Variants in SCIMP observed in about 807,000 individuals in gnomAD.
SCIMP encodes the protein SLP adaptor and CSK interacting membrane protein, also known as SLP adapter and CSK-interacting membrane protein.
Under a neutral mutation model 22.0 loss-of-function variants are expected in SCIMP, and 18 were observed. The ratio of observed to expected loss-of-function variants is 0.82; its 90% confidence interval spans 0.56 to 1.21. The LOEUF is 1.21. Ranked by LOEUF, SCIMP falls within the 50% of genes most tolerant of loss-of-function variation. The probability of loss-of-function intolerance (pLI) is 0.00; values close to 1 mark genes in which losing one functional copy is unlikely to be tolerated. For synonymous variants in SCIMP, 53 were observed against 62.2 expected, an observed-to-expected ratio of 0.85 and a Z score of 0.70; for missense variants, 155 against 171.2, an observed-to-expected ratio of 0.91 and a Z score of 0.53.
At chr17:5,225,705 T>C (rs1455959889) in intron 1 of SCIMP, among the ~76,000 whole-genome samples, 1 of 149,746 alleles carries the variant, frequency 6.7e-6, no homozygotes, top group South Asian at 2.1e-4. Context: ...GAGGTTGCGG[T>C]GAGCCGAGGT....
rs543671811 is a variant in SCIMP, at chr17:5,218,385, G to C, written c.209+2902C>G. 4.6e-5 allele frequency among the ~76,000 whole-genome samples: 7 copies of C among 151,724 alleles called. No individual in the cohort carries two copies. In the East Asian group the frequency reaches 1.4e-3, roughly 29 times the overall value. On this transcript the variant is annotated intron_variant, in intron 3 of 4. Coordinates refer to ENST00000574081, the MANE Select transcript of SCIMP (RefSeq NM_207103.3). The stretch of plus-strand genomic sequence containing the variant: ...AGACTGAGTTTCACTCGTCACCCAG[G>C]CTGGAGTGCAGTGGCACGATCTTGG...
At chr17:5,228,036 G>A (rs985179323) in intron 1 of SCIMP, among the ~76,000 whole-genome samples, 2 of 152,124 alleles carry the variant, frequency 1.3e-5, no homozygotes, top group African/African-American at 4.8e-5. Flanking sequence ...GCCAGGCATG[G>A]TGGTGTGCAC....
At chr17:5,224,797 C>T (rs1327605895) in intron 1 of SCIMP, among the ~76,000 whole-genome samples, 2 of 152,012 alleles carry the variant, frequency 1.3e-5, no homozygotes, top group Non-Finnish European at 2.9e-5. Context: ...TAATGCATAG[C>T]AGGGGAGAGA....
Position 5,227,717 on chromosome 17 carries a change from C to T in SCIMP, c.22-4261G>A, listed in dbSNP as rs150674675. On this transcript the variant is annotated intron_variant, in intron 1 of 4. Transcript: ENST00000574081. ...AGAGCAGTGCAATAGCACGCACCAA[C>T]TCCTCCACCTTCCAGCCCAGTCCCC... 9.9e-3 allele frequency among the ~76,000 whole-genome samples: 1,510 copies of T among 152,308 alleles called. 22 individuals are homozygous for T. Among genetic ancestry groups the T allele is most frequent in the African/African-American group, 0.035 (1,438 of 41,556 alleles).
intron 1 of SCIMP, 176 bp downstream of exon 1, chr17:5,234,559 C>T: frequency 1.5e-6 from 1 of 651,312 alleles, no homozygotes. Flanking sequence ...TAGAGCAGAT[C>T]CTTCAATGCA....
At chr17:5,225,713 G>A (rs986339122) in intron 1 of SCIMP, among the ~76,000 whole-genome samples, 4 of 151,880 alleles carry the variant, frequency 2.6e-5, no homozygotes, top group Non-Finnish European at 4.4e-5. Context: ...GGTGAGCCGA[G>A]GTTGTGCCAT....
rs140910174 is a variant in SCIMP, at chr17:5,223,282, C to T, written c.145+51G>A. Reference sequence around the variant, plus strand: ...TTGCCCTAAAGGAGCTCTACTGCACCGATAACCACCTGGCTCCTCCCTCCA... The same window carrying T: ...TTGCCCTAAAGGAGCTCTACTGCACTGATAACCACCTGGCTCCTCCCTCCA... On this transcript the variant is annotated intron_variant, in intron 2 of 4. Coordinates refer to ENST00000574081, the MANE Select transcript of SCIMP (RefSeq NM_207103.3). 511 of 1,606,922 alleles carry T rather than the reference C, an allele frequency of 3.2e-4. 3 individuals are homozygous for T. The African/African-American group carries it at 4.9e-3, about 16-fold the overall frequency.
chr17:5,218,563 C>T (rs1431861029), intron 3 of SCIMP, among the ~76,000 whole-genome samples: 3 of 152,286 alleles, frequency 2.0e-5, no homozygotes, highest in Non-Finnish European at 4.4e-5. Flanking sequence ...TGGTCTCGAA[C>T]TCCTGACCTC....
intron 4 of SCIMP, among the ~76,000 whole-genome samples, chr17:5,212,185 T>C (rs997113703): frequency 6.6e-6 from 1 of 152,226 alleles, no homozygotes; most frequent in African/African-American, 2.4e-5. Flanking sequence ...AATCTCATCT[T>C]TTCCTAAGAA....
rs1325533950 is a variant in SCIMP at position 5,208,977 on chromosome 17, T to C, written c.*1824A>G. 6.6e-6 allele frequency: 1 copy of C among 152,234 alleles called. No homozygotes were observed. The highest frequency in any genetic ancestry group is 1.5e-5 in the Non-Finnish European group (1 of 68,040). The allele number at this position is 152,234 out of a possible 1,614,324, so 9.4% of individuals were successfully genotyped here. On this transcript the variant is annotated 3_prime_UTR_variant, in exon 5 of 5. Coordinates refer to ENST00000574081, the MANE Select transcript of SCIMP (RefSeq NM_207103.3). Reference sequence around the variant, plus strand: ...AGTCATGGAGGGTTTACAGAACATTTATAAGACGAAAGCATGTGTTTGAAA... The same window carrying C: ...AGTCATGGAGGGTTTACAGAACATTCATAAGACGAAAGCATGTGTTTGAAA...
chr17:5,232,794 T>G (rs908041147), intron 1 of SCIMP, among the ~76,000 whole-genome samples: 5 of 151,606 alleles, frequency 3.3e-5, no homozygotes, highest in Non-Finnish European at 7.4e-5. Flanking sequence ...CACTGCAACC[T>G]CTACTTCCTG....
intron 4 of SCIMP, 95 bp downstream of exon 4, chr17:5,214,830 A>T (rs1486175686): frequency 4.4e-6 from 3 of 680,708 alleles, no homozygotes; most frequent in Non-Finnish European, 7.5e-6. Context: ...ACAGAGCAAG[A>T]CTCCATCTAA....
At chr17:5,229,112 G>A (rs2074674165) in intron 1 of SCIMP, among the ~76,000 whole-genome samples, 1 of 152,176 alleles carries the variant, frequency 6.6e-6, no homozygotes, top group Admixed American at 6.6e-5. Context: ...GGGAGGTGGA[G>A]TTCCAGCTTC....
intron 3 of SCIMP, chr17:5,220,816 G>C (rs748540412): frequency 7.2e-4 from 164 of 228,280 alleles, no homozygotes; most frequent in Admixed American, 1.3e-3. Context: ...CCAGCACTTT[G>C]AGAAGCCAAG....
At chr17:5,233,757 C>A (rs909014124) in intron 1 of SCIMP, 1 of 152,254 alleles carries the variant, frequency 6.6e-6, no homozygotes, top group Non-Finnish European at 1.5e-5. Flanking sequence ...GACAAGTGGA[C>A]ACACCAGGCA....
intron 1 of SCIMP, among the ~76,000 whole-genome samples, chr17:5,232,348 A>ATATAAACAGTGAAGTGTAAACAGTGCAG (rs2074704722): frequency 2.9e-5 from 1 of 34,458 alleles, no homozygotes; most frequent in African/African-American, 1.9e-4. Flanking sequence ...AAGGGGTGGA[A>ATATAAACAGTGAAGTGTAAACAGTGCAG]TATAAACAGT....
intron 1 of SCIMP, among the ~76,000 whole-genome samples, chr17:5,231,960 G>A (rs1042756380): frequency 6.6e-6 from 1 of 152,312 alleles, no homozygotes; most frequent in Non-Finnish European, 1.5e-5. Flanking sequence ...GGAGGCTGAG[G>A]CAGGAGAATG....
chr17:5,234,205 TG>T (rs1263795092), intron 1 of SCIMP, among the ~76,000 whole-genome samples: 2 of 151,916 alleles, frequency 1.3e-5, no homozygotes, highest in East Asian at 3.9e-4. Context: ...CGGGAGGCGG[TG>T]GTTGCAGTGA....
intron 1 of SCIMP, among the ~76,000 whole-genome samples, chr17:5,231,431 C>T (rs2074693326): frequency 6.6e-6 from 1 of 151,950 alleles, no homozygotes; most frequent in South Asian, 2.1e-4. Context: ...CAGTTCAAGC[C>T]ACTTATGACC....
Sources: gnomAD v4.1 joint callset for allele counts (sites outside exome capture counted in the v4.1 genomes callset) on GRCh38, gnomAD v4.1.1 for gene constraint, MANE v1.5 for transcripts, NCBI Gene and HGNC (gene_info 2026-07-23, HGNC 2026-07-21) for gene names.